The following PRUNE2 variants were observed in gnomAD, a reference collection of about 807,000 sequenced individuals.
The protein encoded by PRUNE2 is prune homolog 2 with BCH domain.
Under a neutral mutation model 252.0 loss-of-function variants are expected in PRUNE2, and 164 were observed. That is an observed-to-expected ratio of 0.65 (90% CI 0.57 to 0.74). The LOEUF (loss-of-function observed/expected upper bound fraction) is 0.74, where lower values mean the gene tolerates loss of function less well. Ranked by LOEUF, PRUNE2 falls within the 30% of genes least tolerant of loss-of-function variation. The pLI, the probability that PRUNE2 is intolerant of heterozygous loss-of-function variation, is 0.00. For synonymous variants in PRUNE2, 1,292 were observed against 1,350.2 expected, an observed-to-expected ratio of 0.96 and a Z score of 0.94; for missense variants, 3,495 against 3,711.0, an observed-to-expected ratio of 0.94 and a Z score of 1.51.
intron 18 of PRUNE2, 85 bp downstream of exon 18, chr9:76,619,255 C>G: frequency 1.1e-6 from 1 of 877,926 alleles, no homozygotes; most frequent in African/African-American, 1.6e-5. Context: ...CAGGGTTTAC[C>G]CAGTCCTCAG....
intron 9 of PRUNE2, among the ~76,000 whole-genome samples, chr9:76,662,035 G>A (rs2039188980): frequency 6.6e-6 from 1 of 152,046 alleles, no homozygotes; most frequent in African/African-American, 2.4e-5. Context: ...AAAAACACAC[G>A]TGTAAGTAAC....
rs148786820 is a variant in PRUNE2 at position 76,646,401 on chromosome 9, G to C, written c.8558-1492C>G. On this transcript the variant is annotated intron_variant, in intron 11 of 18. Coordinates refer to ENST00000376718, the MANE Select transcript of PRUNE2 (RefSeq NM_015225.3). ...TGACTTAGATAGCAAAATGAAGTTC[G>C]GTTGGGAAGCAATCCTAGCCTTTTT... Among the ~76,000 whole-genome samples the C allele has an allele frequency of 2.0e-4, 31 of 152,268 alleles. No homozygotes were observed. The East Asian group carries it at 5.8e-3, about 28-fold the overall frequency.
intron 9 of PRUNE2, among the ~76,000 whole-genome samples, chr9:76,684,868 C>G (rs1008836472): frequency 1.3e-5 from 2 of 152,166 alleles, no homozygotes; most frequent in African/African-American, 4.8e-5. Context: ...TCTTCTGCAT[C>G]AGCCTCCCGA....
chr9:76,851,125 A>G (rs1290556022), intron 2 of PRUNE2, among the ~76,000 whole-genome samples: 1 of 145,278 alleles, frequency 6.9e-6, no homozygotes, highest in African/African-American at 2.5e-5. Context: ...AATTAGGACA[A>G]TTGAGGCAGG....
chr9:76,731,324 A>T (rs1175825814), intron 6 of PRUNE2, among the ~76,000 whole-genome samples: 5,939 of 106,466 alleles, frequency 0.056, 233 homozygotes, highest in African/African-American at 0.067. Flanking sequence ...ATATATATAT[A>T]TTTTTTTTTT....
At chr9:76,649,269 A>G (rs1846183672) in intron 11 of PRUNE2, among the ~76,000 whole-genome samples, 1 of 152,236 alleles carries the variant, frequency 6.6e-6, no homozygotes, top group African/African-American at 2.4e-5. Context: ...CTTCCTCTGC[A>G]CATACACAGA....
chr9:76,849,872 T>A (rs2059863773), intron 3 of PRUNE2, among the ~76,000 whole-genome samples: 1 of 152,096 alleles, frequency 6.6e-6, no homozygotes, highest in Admixed American at 6.6e-5. Flanking sequence ...CCCTATAATT[T>A]GGTCAATTTT....
intron 6 of PRUNE2, among the ~76,000 whole-genome samples, chr9:76,822,529 C>A (rs933715738): frequency 6.6e-6 from 1 of 152,122 alleles, no homozygotes; most frequent in African/African-American, 2.4e-5. Context: ...AAGAATAGGT[C>A]GGGTGTGGTG....
intron 6 of PRUNE2, among the ~76,000 whole-genome samples, chr9:76,755,003 A>ACC (rs2050999951): frequency 6.6e-6 from 1 of 150,992 alleles, no homozygotes; most frequent in Non-Finnish European, 1.5e-5. Flanking sequence ...AAAAAACAAA[A>ACC]GCAAAAACAA....
rs1419032166 is a variant in PRUNE2 at position 76,710,085 on chromosome 9, A to G, written c.2189T>C (p.Ile730Thr). Reference protein sequence around the residue: ...FGQPELGSNDIQDKNEESLPF... With the variant: ...FGQPELGSNDTQDKNEESLPF... ...CAAGCTTTCCTCATTTTTGTCTTGA[A>G]TATCATTGCTACCCAGTTCAGGCTG... The change falls in exon 8 of 19, where the codon ATT becomes ACT. Residue 730 changes from isoleucine (I) to threonine (T), a missense_variant. By Grantham distance (89) the Ile-to-Thr change is moderately conservative. Transcript: ENST00000376718. 1 of 1,613,924 alleles carries G rather than the reference A, an allele frequency of 6.2e-7. No homozygotes were observed. Among genetic ancestry groups the G allele is most frequent in the Non-Finnish European group, 8.5e-7 (1 of 1,179,878 alleles).
intron 12 of PRUNE2, chr9:76,641,960 A>G: frequency 1.3e-6 from 2 of 1,525,124 alleles, no homozygotes; most frequent in Non-Finnish European, 1.8e-6. Context: ...GCAAGACTTC[A>G]GAGAAGGTTA....
At chr9:76,805,522 G>T (rs1223998923) in intron 6 of PRUNE2, among the ~76,000 whole-genome samples, 1 of 152,104 alleles carries the variant, frequency 6.6e-6, no homozygotes, top group Non-Finnish European at 1.5e-5. Flanking sequence ...CTGAGCCTGG[G>T]AGGTCAAGGC....
chr9:76,766,318 T>A (rs1020280644), intron 6 of PRUNE2, among the ~76,000 whole-genome samples: 1 of 151,974 alleles, frequency 6.6e-6, no homozygotes, highest in Non-Finnish European at 1.5e-5. Context: ...GCAAAGCCTA[T>A]CTGTGTGGGA....
intron 1 of PRUNE2, among the ~76,000 whole-genome samples, chr9:76,897,566 A>G (rs915583520): frequency 6.6e-6 from 1 of 151,326 alleles, no homozygotes; most frequent in African/African-American, 2.4e-5. Context: ...GATGCACACC[A>G]CCACGCCCAG....
At chr9:76,702,986 C>T (rs1212537218) in intron 9 of PRUNE2, among the ~76,000 whole-genome samples, 2 of 152,092 alleles carry the variant, frequency 1.3e-5, no homozygotes, top group Admixed American at 6.6e-5. Flanking sequence ...ATAATGTATG[C>T]AAACTGCCTT....
At position 76,837,788 on chromosome 9, in the gene PRUNE2, T is replaced by G. The variant is rs1353291748; in HGVS notation, c.508+8727A>C. On this transcript the variant is annotated intron_variant, in intron 4 of 18. Transcript: ENST00000376718. ...ACCAAATACTATTTTTTTTTTTTTT[T>G]TGAGACGGAGTCTTGCTCTGTCGCC... 1.0e-3 allele frequency among the ~76,000 whole-genome samples: 157 copies of G among 151,394 alleles called. 1 individual carries two copies. Among genetic ancestry groups the G allele is most frequent in the African/African-American group, 3.6e-3 (148 of 41,134 alleles).
intron 1 of PRUNE2, among the ~76,000 whole-genome samples, chr9:76,903,750 G>C (rs925281731): frequency 3.3e-5 from 5 of 152,060 alleles, no homozygotes; most frequent in Non-Finnish European, 5.9e-5. Context: ...ACCATGCCTG[G>C]CTAACTTTTG....
intron 1 of PRUNE2, among the ~76,000 whole-genome samples, chr9:76,895,776 T>TTTTATTTA (rs531020141): frequency 2.0e-5 from 3 of 151,926 alleles, no homozygotes; most frequent in African/African-American, 7.3e-5. Flanking sequence ...TCTGCCTCTA[T>TTTTATTTA]TTTATTTATT....
intron 9 of PRUNE2, among the ~76,000 whole-genome samples, chr9:76,686,474 G>T (rs1164357245): frequency 6.6e-6 from 1 of 151,518 alleles, no homozygotes; most frequent in Non-Finnish European, 1.5e-5. Context: ...TTATTTTTTT[G>T]TGACAGGGTC....
Sources: allele counts gnomAD v4.1 joint callset (sites outside exome capture counted in the v4.1 genomes callset), GRCh38; gene constraint gnomAD v4.1.1; transcripts MANE v1.5; gene names NCBI Gene and HGNC (gene_info 2026-07-23, HGNC 2026-07-21).